Variants in HPSE2 observed in about 807,000 individuals in gnomAD.
HPSE2 encodes the protein inactive heparanase-2.
Under a neutral mutation model 60.5 loss-of-function variants are expected in HPSE2, and 38 were observed. The ratio of observed to expected loss-of-function variants is 0.63; its 90% CI spans 0.48 to 0.82. The LOEUF (loss-of-function observed/expected upper bound fraction) is 0.82. Ranked by LOEUF, HPSE2 falls within the 40% of genes least tolerant of loss-of-function variation. The probability of loss-of-function intolerance (pLI) is 0.00; values close to 1 mark genes in which losing one functional copy is unlikely to be tolerated. For missense variants in HPSE2, 713 were observed against 740.4 expected (o/e 0.96, Z 0.43); for synonymous variants, 295 against 293.2 (o/e 1.01, Z -0.06).
intron 3 of HPSE2, among the ~76,000 whole-genome samples, chr10:98,952,308 ATTTG>A (rs747073823): frequency 0.067 from 8,650 of 129,304 alleles, 292 homozygotes; most frequent in South Asian, 0.15. Flanking sequence ...GCTCAAAAGA[ATTTG>A]TTTGTGTGTG....
intron 2 of HPSE2, among the ~76,000 whole-genome samples, chr10:99,184,224 G>A (rs1847884231): frequency 6.6e-6 from 1 of 151,880 alleles, no homozygotes; most frequent in Non-Finnish European, 1.5e-5. Flanking sequence ...GAAAGAGTAA[G>A]CAAAGATAAG....
At chr10:98,900,467 T>C (rs951477524) in intron 3 of HPSE2, among the ~76,000 whole-genome samples, 9 of 152,078 alleles carry the variant, frequency 5.9e-5, no homozygotes, top group African/African-American at 1.9e-4. Flanking sequence ...TGGGGGATGA[T>C]GGATATACAG....
intron 3 of HPSE2, among the ~76,000 whole-genome samples, chr10:99,034,118 A>T (rs548675509): frequency 6.6e-6 from 1 of 152,224 alleles, no homozygotes; most frequent in Non-Finnish European, 1.5e-5. Flanking sequence ...AAAGGGTGGC[A>T]CTTCCGTATA....
intron 6 of HPSE2, among the ~76,000 whole-genome samples, chr10:98,642,199 TG>T (rs1589556236): frequency 6.6e-6 from 1 of 152,210 alleles, no homozygotes; most frequent in African/African-American, 2.4e-5. Flanking sequence ...GCTTACTTGC[TG>T]GAATTGATGG....
At chr10:98,528,601 T>C (rs1943040655) in intron 9 of HPSE2, among the ~76,000 whole-genome samples, 1 of 152,110 alleles carries the variant, frequency 6.6e-6, no homozygotes, top group South Asian at 2.1e-4. Flanking sequence ...ACCCAATTAG[T>C]TATAATAACC....
intron 3 of HPSE2, among the ~76,000 whole-genome samples, chr10:99,094,512 A>C (rs1408019917): frequency 1.7e-5 from 1 of 57,602 alleles, no homozygotes; most frequent in Non-Finnish European, 3.3e-5. Context: ...CTTTTTTATC[A>C]TTCATATATA....
intron 3 of HPSE2, among the ~76,000 whole-genome samples, chr10:98,946,287 T>A (rs189448788): frequency 6.6e-6 from 1 of 151,904 alleles, no homozygotes; most frequent in African/African-American, 2.4e-5. Context: ...CTGAGCAGCA[T>A]AGTGAGACCC....
At chr10:98,746,385 A>G (rs1271869655) in intron 3 of HPSE2, among the ~76,000 whole-genome samples, 1 of 151,992 alleles carries the variant, frequency 6.6e-6, no homozygotes, top group Non-Finnish European at 1.5e-5. Context: ...TTTTATTCAT[A>G]TTGCTTTGAT....
chr10:98,639,066 C>G (rs1425897768), intron 7 of HPSE2, among the ~76,000 whole-genome samples: 1 of 152,102 alleles, frequency 6.6e-6, no homozygotes, highest in Admixed American at 6.6e-5. Context: ...TGGGTCTTGG[C>G]GACTACTTCA....
intron 3 of HPSE2, among the ~76,000 whole-genome samples, chr10:98,868,811 A>T (rs926577808): frequency 1.3e-5 from 2 of 152,164 alleles, no homozygotes; most frequent in African/African-American, 2.4e-5. Context: ...AAGTTCAAAA[A>T]TGTCCTAATT....
At chr10:98,971,769 T>C (rs1204379420) in intron 3 of HPSE2, among the ~76,000 whole-genome samples, 4 of 152,136 alleles carry the variant, frequency 2.6e-5, no homozygotes, top group South Asian at 4.1e-4. Context: ...TATCTGGCCC[T>C]TTATAGACCC....
chr10:98,730,788 A>G (rs1339074644), intron 4 of HPSE2, among the ~76,000 whole-genome samples: 2 of 152,236 alleles, frequency 1.3e-5, no homozygotes, highest in African/African-American at 4.8e-5. Flanking sequence ...TAGACACATA[A>G]CAACAACGAA....
intron 7 of HPSE2, among the ~76,000 whole-genome samples, chr10:98,621,493 G>A (rs913289074): frequency 6.6e-6 from 1 of 152,168 alleles, no homozygotes; most frequent in Non-Finnish European, 1.5e-5. Flanking sequence ...TGAGTCAAAG[G>A]CTTGTTTATA....
the HPSE2 span, among the ~76,000 whole-genome samples, chr10:99,243,826 C>T: frequency 6.6e-6 from 1 of 152,096 alleles, no homozygotes; most frequent in East Asian, 1.9e-4. Context: ...ATCCCAGCTA[C>T]TCAGGAGGCT....
At chr10:99,216,274 A>G (rs1849122811) in intron 2 of HPSE2, among the ~76,000 whole-genome samples, 1 of 142,090 alleles carries the variant, frequency 7.0e-6, no homozygotes, top group Middle Eastern at 3.8e-3. Flanking sequence ...GGCTCACTGC[A>G]ACTTCTACCT....
At chr10:98,622,410 T>TTGC (rs1307578651) in intron 7 of HPSE2, among the ~76,000 whole-genome samples, 1 of 152,188 alleles carries the variant, frequency 6.6e-6, no homozygotes, top group Non-Finnish European at 1.5e-5. Flanking sequence ...TGATAATAGT[T>TTGC]TGCTGTTAGT....
intron 3 of HPSE2, among the ~76,000 whole-genome samples, chr10:98,782,902 CTGTT>C (rs1405723065): frequency 1.1e-4 from 5 of 43,906 alleles, no homozygotes; most frequent in Admixed American, 1.8e-4. Context: ...GTCTACTTCC[CTGTT>C]TGTTTATTTT....
intron 6 of HPSE2, among the ~76,000 whole-genome samples, chr10:98,676,513 G>A (rs1947646045): frequency 6.6e-6 from 1 of 152,216 alleles, no homozygotes; most frequent in Admixed American, 6.5e-5. Context: ...CAGTGAGCCA[G>A]AAGAAATCAA....
the HPSE2 span, among the ~76,000 whole-genome samples, chr10:99,257,123 T>C: frequency 6.6e-6 from 1 of 152,218 alleles, no homozygotes; most frequent in Non-Finnish European, 1.5e-5. Flanking sequence ...CTTAATCCTG[T>C]CATCTTCATA....
Sources: gnomAD v4.1 joint callset for allele counts (sites outside exome capture counted in the v4.1 genomes callset) on GRCh38, gnomAD v4.1.1 for gene constraint, MANE v1.5 for transcripts, NCBI Gene and HGNC (gene_info 2026-07-23, HGNC 2026-07-21) for gene names.